Variants in PTBP3 observed in about 807,000 individuals in gnomAD.
PTBP3 encodes polypyrimidine tract binding protein 3, also known as polypyrimidine tract-binding protein 3.
A neutral mutation model predicts 58.7 loss-of-function variants in PTBP3; 20 were observed. The observed-to-expected ratio is 0.34, with a 90% CI of 0.24 to 0.50. The LOEUF (loss-of-function observed/expected upper bound fraction) is 0.50, where lower values mean the gene tolerates loss of function less well. Among genes scored for constraint, PTBP3 ranks in the 20% least tolerant of loss-of-function variants. PTBP3 has a pLI of 0.98. For synonymous variants in PTBP3, 185 were observed against 219.8 expected, an observed-to-expected ratio of 0.84 and a Z score of 1.40; for missense variants, 509 against 637.2, an observed-to-expected ratio of 0.80 and a Z score of 2.17.
intron 9 of PTBP3, 152 bp from the exon 10 acceptor site, chr9:112,231,565 C>T (rs1835201231): frequency 1.7e-6 from 1 of 596,832 alleles, no homozygotes; most frequent in Non-Finnish European, 2.8e-6. Flanking sequence ...AATAGAAGTT[C>T]TTAAAACAAA....
intron 2 of PTBP3, among the ~76,000 whole-genome samples, chr9:112,284,494 G>C (rs766501409): frequency 6.6e-6 from 1 of 152,096 alleles, no homozygotes; most frequent in Non-Finnish European, 1.5e-5. Context: ...CTGGGAGTTC[G>C]AGACCAGCCT....
chr9:112,365,826 G>C, the PTBP3 span, among the ~76,000 whole-genome samples: 1 of 152,140 alleles, frequency 6.6e-6, no homozygotes, highest in Non-Finnish European at 1.5e-5. Flanking sequence ...AGGCTGAGGT[G>C]GTCTCAGATG....
At chr9:112,312,155 T>C (rs1376305024) in intron 1 of PTBP3, among the ~76,000 whole-genome samples, 5 of 152,010 alleles carry the variant, frequency 3.3e-5, no homozygotes, top group Non-Finnish European at 7.4e-5. Flanking sequence ...AAATCATTGA[T>C]TACGAAAAGA....
intron 1 of PTBP3, among the ~76,000 whole-genome samples, chr9:112,318,927 A>T (rs577926025): frequency 6.6e-6 from 1 of 152,226 alleles, no homozygotes; most frequent in South Asian, 2.1e-4. Flanking sequence ...CGGGAGTTCA[A>T]GACCAGCCTG....
the PTBP3 span, among the ~76,000 whole-genome samples, chr9:112,356,820 AC>A: frequency 6.7e-6 from 1 of 148,436 alleles, no homozygotes; most frequent in Non-Finnish European, 1.5e-5. Flanking sequence ...ACACACACAC[AC>A]ACAATTTGGC....
At chr9:112,295,810 T>G (rs1828655975) in intron 2 of PTBP3, among the ~76,000 whole-genome samples, 1 of 152,208 alleles carries the variant, frequency 6.6e-6, no homozygotes, top group East Asian at 1.9e-4. Flanking sequence ...TACCAAAAAA[T>G]GATCAACATT....
At chr9:112,354,531 T>C in the PTBP3 span, among the ~76,000 whole-genome samples, 1 of 152,326 alleles carries the variant, frequency 6.6e-6, no homozygotes, top group Non-Finnish European at 1.5e-5. Flanking sequence ...GAGGATTACT[T>C]GTATCAGAGG....
the PTBP3 span, among the ~76,000 whole-genome samples, chr9:112,343,452 GTAT>G: frequency 5.9e-5 from 9 of 152,168 alleles, no homozygotes; most frequent in South Asian, 1.9e-3. Flanking sequence ...TCCTCAACTG[GTAT>G]TATCCAACTT....
chr9:112,323,362 G>A, intron 1 of PTBP3, among the ~76,000 whole-genome samples: 1 of 152,202 alleles, frequency 6.6e-6, no homozygotes, highest in East Asian at 1.9e-4. Flanking sequence ...CCCCCAGCTA[G>A]AGGAGACAGG....
At chr9:112,330,488 G>A in intron 1 of PTBP3, 2 of 1,508,638 alleles carry the variant, frequency 1.3e-6, no homozygotes, top group South Asian at 2.5e-5. Flanking sequence ...TATGGAAAAA[G>A]TAAAAAGAGA....
At chr9:112,237,614 T>C (rs763866096) in intron 7 of PTBP3, among the ~76,000 whole-genome samples, 1 of 152,188 alleles carries the variant, frequency 6.6e-6, no homozygotes, top group Admixed American at 6.5e-5. Context: ...AACCTAAAAG[T>C]TGCCGAGATT....
chr9:112,373,933 C>G, the PTBP3 span, among the ~76,000 whole-genome samples: 1 of 152,142 alleles, frequency 6.6e-6, no homozygotes, highest in African/African-American at 2.4e-5. Flanking sequence ...CTTCTGCTAC[C>G]CATTCTGTAT....
the PTBP3 span, among the ~76,000 whole-genome samples, chr9:112,364,209 G>C: frequency 3.8e-4 from 34 of 90,148 alleles, no homozygotes; most frequent in South Asian, 3.6e-3. Flanking sequence ...TTTTTTTTGA[G>C]ACAGGGTCTC....
rs189398335 is a variant in PTBP3, at chr9:112,278,563, C to T, written c.35-2550G>A. 2.6e-5 allele frequency among the ~76,000 whole-genome samples: 4 copies of T among 152,244 alleles called. No individual in the cohort carries two copies. The East Asian group carries it at 5.8e-4, about 22-fold the overall frequency. On this transcript the variant is annotated intron_variant, in intron 2 of 13. Transcript: ENST00000374257. ...TCTATGTTTGAGAAAATGCGAATAC[C>T]GAACAAGTTACCCAAGCTCCCATTC...
At chr9:112,320,544 AAT>A (rs1587888279) in intron 1 of PTBP3, among the ~76,000 whole-genome samples, 1 of 151,950 alleles carries the variant, frequency 6.6e-6, no homozygotes, top group Non-Finnish European at 1.5e-5. Flanking sequence ...TTGTCTATAT[AAT>A]ATGACAAGCT....
intron 1 of PTBP3, among the ~76,000 whole-genome samples, chr9:112,320,291 A>AATATATATATATATATATATAT (rs1288195199): frequency 4.1e-5 from 3 of 73,530 alleles, no homozygotes; most frequent in East Asian, 3.2e-4. Flanking sequence ...AAAAAAAAAA[A>AATATATATATATATATATATAT]ATATATATAT....
chr9:112,304,790 A>T (rs1398641583), intron 1 of PTBP3, among the ~76,000 whole-genome samples: 1 of 152,042 alleles, frequency 6.6e-6, no homozygotes, highest in African/African-American at 2.4e-5. Flanking sequence ...CTACTGATTG[A>T]TCGCTTATTT....
Position 112,267,192 on chromosome 9 carries a change from G to A in PTBP3, c.351+857C>T, listed in dbSNP as rs570523037. On this transcript the variant is annotated intron_variant, in intron 4 of 13. Coordinates refer to ENST00000374257, the MANE Select transcript of PTBP3 (RefSeq NM_001163788.4). ...TCTTTTTTTTTTTTTTTTTGAGACAGAGTCTCGCTCTCACCCAGGCTGGAG... is the reference window on the plus strand; with the variant it reads ...TCTTTTTTTTTTTTTTTTTGAGACAAAGTCTCGCTCTCACCCAGGCTGGAG... Among the ~76,000 whole-genome samples, 3 of 142,092 alleles carry A rather than the reference G, an allele frequency of 2.1e-5. No individual in the cohort carries two copies. In the East Asian group the frequency reaches 6.1e-4, roughly 29 times the overall value. 93.2% of individuals were successfully genotyped at this position (142,092 alleles called of 152,430 possible). A position where few individuals can be genotyped will look rare whatever the true frequency, so the allele number is the denominator to read the frequency against.
intron 1 of PTBP3, among the ~76,000 whole-genome samples, chr9:112,318,375 CATTTACATTAGCAA>C: frequency 6.6e-6 from 1 of 152,116 alleles, no homozygotes; most frequent in East Asian, 1.9e-4. Context: ...AATAAAACAC[CATTTACATTAGCAA>C]GAAAAATGGC....
Sources: allele counts gnomAD v4.1 joint callset (sites outside exome capture counted in the v4.1 genomes callset), GRCh38; gene constraint gnomAD v4.1.1; transcripts MANE v1.5; gene names NCBI Gene and HGNC (gene_info 2026-07-23, HGNC 2026-07-21).